RPAP2: variants seen among roughly 807,000 people sequenced by gnomAD.
RPAP2 encodes the protein putative RNA polymerase II subunit B1 CTD phosphatase RPAP2.
RPAP2 carries 52 observed loss-of-function variants against 73.1 expected under a neutral mutation model. The observed-to-expected ratio is 0.71, with a 90% CI of 0.57 to 0.90. The LOEUF (loss-of-function observed/expected upper bound fraction) is 0.90, where lower values mean the gene tolerates loss of function less well. Among genes scored for constraint, RPAP2 ranks in the 40% least tolerant of loss-of-function variants. RPAP2 has a pLI of 0.00. For missense variants in RPAP2, 598 were observed against 701.8 expected (o/e 0.85, Z 1.67); for synonymous variants, 225 against 242.1 (o/e 0.93, Z 0.65).
chr1:92,303,563 G>A (rs1228323395), intron 3 of RPAP2, among the ~76,000 whole-genome samples: 2 of 151,888 alleles, frequency 1.3e-5, no homozygotes, highest in Non-Finnish European at 2.9e-5. Context: ...TAAAGATTAT[G>A]CTTTAAAAAA....
intron 6 of RPAP2, 81 bp from the exon 7 acceptor site, chr1:92,320,518 G>A: frequency 9.1e-7 from 1 of 1,103,770 alleles, no homozygotes; most frequent in South Asian, 1.3e-5. Flanking sequence ...AGATCCGCCT[G>A]CCCAGCCTCC....
intron 6 of RPAP2, among the ~76,000 whole-genome samples, chr1:92,314,351 G>GTTT (rs112702571): frequency 3.9e-4 from 53 of 136,764 alleles, no homozygotes; most frequent in African/African-American, 1.4e-3. Context: ...TGGTTTTTGG[G>GTTT]TTTTTTTTTT....
At chr1:92,343,796 AAGG>A (rs1653728782) in intron 10 of RPAP2, among the ~76,000 whole-genome samples, 1 of 152,188 alleles carries the variant, frequency 6.6e-6, no homozygotes, top group Non-Finnish European at 1.5e-5. Context: ...ATAGCAGAAT[AAGG>A]AGGTCAGGAA....
At chr1:92,344,381 G>A (rs1248102161) in intron 10 of RPAP2, among the ~76,000 whole-genome samples, 3 of 152,034 alleles carry the variant, frequency 2.0e-5, no homozygotes, top group African/African-American at 7.3e-5. Context: ...CTCCAGCCTG[G>A]GTGACAGAGC....
chr1:92,359,317 ATATTTATT>A (rs962237599), intron 11 of RPAP2, among the ~76,000 whole-genome samples: 1 of 151,970 alleles, frequency 6.6e-6, no homozygotes, highest in South Asian at 2.1e-4. Flanking sequence ...TTTTTATTTT[ATATTTATT>A]TATTTATTTA....
intron 8 of RPAP2, among the ~76,000 whole-genome samples, chr1:92,330,444 T>C (rs1652896422): frequency 7.4e-6 from 1 of 134,650 alleles, no homozygotes; most frequent in Admixed American, 7.4e-5. Context: ...TGTCAATTTT[T>C]TTTTTTTTTT....
At chr1:92,331,865 T>G (rs1406342469) in intron 8 of RPAP2, among the ~76,000 whole-genome samples, 2 of 152,186 alleles carry the variant, frequency 1.3e-5, no homozygotes, top group African/African-American at 4.8e-5. Context: ...CAGAAAATTA[T>G]TTTACTTTCA....
chr1:92,373,307 G>A (rs548489687), intron 11 of RPAP2, among the ~76,000 whole-genome samples: 283 of 152,290 alleles, frequency 1.9e-3, no homozygotes, highest in African/African-American at 6.4e-3. Flanking sequence ...CCTCTAAAGT[G>A]AGGACAAATT....
chr1:92,307,086 C>A, intron 5 of RPAP2, 102 bp from the exon 6 acceptor site: 1 of 787,526 alleles, frequency 1.3e-6, no homozygotes, highest in African/African-American at 1.8e-5. Context: ...TGTAGGTTTC[C>A]ATTTTATTCT....
Position 92,299,149 on chromosome 1 carries a change from A to G in RPAP2, c.73+3A>G, listed in dbSNP as rs1375954947. The G allele has an allele frequency of 3.3e-6, 5 of 1,503,328 alleles. No homozygotes were observed. Among genetic ancestry groups the G allele is most frequent in the East Asian group, 2.6e-5 (1 of 38,474 alleles). The allele number at this position is 1,503,328 out of a possible 1,614,324, so 93.1% of individuals were successfully genotyped here. A position where few individuals can be genotyped will look rare whatever the true frequency, so the allele number is the denominator to read the frequency against. ...CCGCTGCTCTCGAAAAGCCGCAGGT[A>G]GGAGCAAGGATCTCTTCCCACTTTT... On this transcript the variant is annotated splice_donor_region_variant and intron_variant, in intron 1 of 12. Transcript: ENST00000610020.
chr1:92,309,560 TACAC>T (rs1300787323), intron 6 of RPAP2, among the ~76,000 whole-genome samples: 309 of 77,306 alleles, frequency 4.0e-3, no homozygotes, highest in Non-Finnish European at 6.4e-3. Flanking sequence ...CACATACACA[TACAC>T]ATACACATAT....
At position 92,323,507 on chromosome 1, in the gene RPAP2, A is replaced by G. The variant is rs1652433938; in HGVS notation, c.587A>G (p.Asn196Ser). 1.2e-6 allele frequency: 2 copies of G among 1,613,818 alleles called. No individual in the cohort carries two copies. Among genetic ancestry groups the G allele is most frequent in the African/African-American group, 2.7e-5 (2 of 74,900 alleles). Residue 196 changes from asparagine to serine, a missense_variant, in exon 8 of 13, where the codon AAT becomes AGT. Around this residue, in one of 3 missense-constraint regions of RPAP2, gnomAD observed 506 missense variants for 612.8 expected, o/e 0.83. Transcript: ENST00000610020. ...SKAIKTSDID[N>S]PSHFEKQYES... is the part of the protein sequence containing the mutation. The stretch of plus-strand genomic sequence containing the variant: ...GCCATTAAAACATCAGATATCGACA[A>G]TCCTAGCCACTTTGAAAAGCAATAT...
intron 11 of RPAP2, among the ~76,000 whole-genome samples, chr1:92,351,661 G>A (rs1654225093): frequency 6.6e-6 from 1 of 152,060 alleles, no homozygotes; most frequent in Non-Finnish European, 1.5e-5. Flanking sequence ...TGTGCTGATG[G>A]TGACCTAAAA....
At chr1:92,319,553 C>A (rs1417023803) in intron 6 of RPAP2, among the ~76,000 whole-genome samples, 1 of 151,982 alleles carries the variant, frequency 6.6e-6, no homozygotes, top group Admixed American at 6.6e-5. Context: ...CAGTGGGGAG[C>A]GAGGGGTTGT....
Position 92,300,182 on chromosome 1 carries a change from T to C in RPAP2, c.74-12T>C. On this transcript the variant is annotated splice_polypyrimidine_tract_variant and intron_variant, in intron 1 of 12. Coordinates refer to ENST00000610020, the MANE Select transcript of RPAP2 (RefSeq NM_024813.3). ...TGTCATTATGTAGCACATGACTGTA[T>C]TTTTATTGTAGGTACTAAACAGACA... 6.3e-7 allele frequency: 1 copy of C among 1,596,778 alleles called. No individual in the cohort carries two copies. Among genetic ancestry groups the C allele is most frequent in the African/African-American group, 1.3e-5 (1 of 74,328 alleles).
chr1:92,339,314 A>AC (rs1172966948), intron 10 of RPAP2, among the ~76,000 whole-genome samples: 29 of 75,500 alleles, frequency 3.8e-4, no homozygotes, highest in African/African-American at 6.0e-4. Flanking sequence ...GTCCTACCCC[A>AC]CCCCCGCCCC....
chr1:92,375,993 C>G (rs1349269393), intron 11 of RPAP2, among the ~76,000 whole-genome samples: 1 of 136,828 alleles, frequency 7.3e-6, no homozygotes, highest in East Asian at 2.1e-4. Flanking sequence ...GAGTGAGACT[C>G]TGTCTCAAAA....
At chr1:92,344,050 C>CT (rs139643602) in intron 10 of RPAP2, among the ~76,000 whole-genome samples, 11 of 151,998 alleles carry the variant, frequency 7.2e-5, no homozygotes, top group African/African-American at 1.2e-4. Flanking sequence ...TCCTTCTAGT[C>CT]TTTTTTTTGT....
At chr1:92,373,739 TA>T (rs59586077) in intron 11 of RPAP2, among the ~76,000 whole-genome samples, 8,356 of 78,024 alleles carry the variant, frequency 0.11, 414 homozygotes, top group Non-Finnish European at 0.15. Flanking sequence ...CTACTAAAAA[TA>T]AAAAAAAAAA....
Sources: allele counts gnomAD v4.1 joint callset (sites outside exome capture counted in the v4.1 genomes callset), GRCh38; gene constraint gnomAD v4.1.1; regional missense constraint gnomAD v4.1.1; transcripts MANE v1.5; gene names NCBI Gene and HGNC (gene_info 2026-07-23, HGNC 2026-07-21).